Variants in SYT3 observed in about 807,000 individuals in gnomAD.
The protein encoded by SYT3 is synaptotagmin 3.
A neutral mutation model predicts 50.6 loss-of-function variants in SYT3; 25 were observed. The observed-to-expected ratio is 0.49, with a 90% CI of 0.36 to 0.69. The LOEUF (loss-of-function observed/expected upper bound fraction) is 0.69. Among genes scored for constraint, SYT3 ranks in the 30% least tolerant of loss-of-function variants. The pLI is 0.00. For synonymous variants in SYT3, 323 were observed against 353.9 expected, an observed-to-expected ratio of 0.91 and a Z score of 0.98; for missense variants, 589 against 793.6, an observed-to-expected ratio of 0.74 and a Z score of 3.10.
the SYT3 span, among the ~76,000 whole-genome samples, chr19:50,648,993 G>A: frequency 6.6e-6 from 1 of 151,662 alleles, no homozygotes; most frequent in Non-Finnish European, 1.5e-5. Flanking sequence ...AAGGAGGGAC[G>A]GGGGCCTGGG....
At chr19:50,629,642 A>AG (rs1984210490) in intron 5 of SYT3, 130 bp from the exon 6 acceptor site, 1 of 1,142,700 alleles carries the variant, frequency 8.8e-7, no homozygotes, top group Non-Finnish European at 1.2e-6. Flanking sequence ...CTCCTCCCTC[A>AG]GACCCGGGAG....
the SYT3 span, chr19:50,649,825 T>A: frequency 3.9e-6 from 2 of 509,636 alleles, no homozygotes; most frequent in South Asian, 3.1e-5. Context: ...TCTCCCACCC[T>A]GAGCTCAGCA....
chr19:50,656,694 G>A, the SYT3 span, among the ~76,000 whole-genome samples: 4 of 152,150 alleles, frequency 2.6e-5, no homozygotes, highest in Admixed American at 2.6e-4. Context: ...GCTCACGCCT[G>A]TAATCCCAGC....
chr19:50,631,634 C>T lies in SYT3; in HGVS notation c.674+652G>A, dbSNP rs527885128. On this transcript the variant is annotated intron_variant, in intron 4 of 10. Transcript: ENST00000600079. ...GAATGCCCAGGTCACAGCCCTGCCTCTTTGCCTTCCCAACTCTCCCTCAGC... is the reference window on the plus strand; with the variant it reads ...GAATGCCCAGGTCACAGCCCTGCCTTTTTGCCTTCCCAACTCTCCCTCAGC... Among the ~76,000 whole-genome samples, 23 of 152,212 alleles carry T rather than the reference C, an allele frequency of 1.5e-4. 1 individual carries two copies. Among genetic ancestry groups the T allele is most frequent in the African/African-American group, 5.1e-4 (21 of 41,522 alleles).
chr19:50,624,076 C>T (rs1161721096), intron 9 of SYT3, among the ~76,000 whole-genome samples: 1 of 151,902 alleles, frequency 6.6e-6, no homozygotes, highest in East Asian at 1.9e-4. Flanking sequence ...GATCCTCCTG[C>T]CTCAGCCTCC....
At chr19:50,650,928 T>G in the SYT3 span, among the ~76,000 whole-genome samples, 1 of 152,246 alleles carries the variant, frequency 6.6e-6, no homozygotes, top group Non-Finnish European at 1.5e-5. Flanking sequence ...TATATGTAGC[T>G]CCAGAAAAGT....
chr19:50,649,747 C>A, the SYT3 span: 2 of 642,702 alleles, frequency 3.1e-6, no homozygotes, highest in Non-Finnish European at 5.8e-6. Context: ...ACTACATTTC[C>A]CATGAGCCTC....
chr19:50,623,312 C>T (rs1983915105), intron 9 of SYT3, among the ~76,000 whole-genome samples: 1 of 151,996 alleles, frequency 6.6e-6, no homozygotes, highest in Admixed American at 6.6e-5. Flanking sequence ...AGTAGAGTCC[C>T]CGTCTTTTCC....
At chr19:50,643,861 C>G (rs1202279788), upstream of SYT3, among the ~76,000 whole-genome samples, 1 of 152,100 alleles carries the variant, frequency 6.6e-6, no homozygotes, top group African/African-American at 2.4e-5. Context: ...TAGGAAGGAA[C>G]ATCCATTGTG....
Position 50,622,049 on chromosome 19 carries a change from AG to A in SYT3, c.*435del, listed in dbSNP as rs11338701. The stretch of plus-strand genomic sequence containing the variant: ...AGCAGTGGGGGGACCGGCCAGACGC[AG>A]GGGTGTGGCGAACAGAAGGGGTGGA... On this transcript the variant is annotated 3_prime_UTR_variant, in exon 11 of 11. Transcript: ENST00000600079. The A allele has an allele frequency of 1, 49,815 of 49,818 alleles. 24,906 individuals carry two copies. Among genetic ancestry groups the A allele is most frequent in the Middle Eastern group, 1 (210 of 210 alleles). 3.1% of individuals were successfully genotyped at this position (49,818 alleles called of 1,614,324 possible).
Position 50,637,336 on chromosome 19 carries a change from C to A in SYT3, c.76G>T (p.Asp26Tyr). The A allele has an allele frequency of 1.9e-6, 3 of 1,613,256 alleles. No homozygotes were observed. The highest frequency in any genetic ancestry group is 2.5e-6 in the Non-Finnish European group (3 of 1,179,922). The change falls in exon 3 of 11, where the codon GAT (aspartate) becomes TAT (tyrosine). Residue 26 changes from aspartate (D) to tyrosine (Y), a missense_variant. This residue lies in a region of SYT3 where 316 missense variants were observed against 354.3 expected (regional missense o/e 0.89). Coordinates refer to ENST00000600079, the MANE Select transcript of SYT3 (RefSeq NM_001160329.2). The surrounding 1 kb of genome is among the most constrained non-coding windows in gnomAD (Gnocchi z 4.9). Reference sequence around the variant, plus strand: ...TGGCACCTGTCGTTGGTGTCAGCATCTCGGACCCGCGCACAGAGGTCCGAG... The same window carrying A: ...TGGCACCTGTCGTTGGTGTCAGCATATCGGACCCGCGCACAGAGGTCCGAG... ...LVSDLCARVR[D>Y]ADTNDRCQEF... is the part of the protein sequence containing the mutation.
Position 50,639,533 on chromosome 19 carries a change from G to A in SYT3, c.-154+257C>T, listed in dbSNP as rs2123025988. 6.6e-6 allele frequency among the ~76,000 whole-genome samples: 1 copy of A among 152,058 alleles called. No individual in the cohort carries two copies. Among genetic ancestry groups the A allele is most frequent in the East Asian group, 1.9e-4 (1 of 5,140 alleles). On this transcript the variant is annotated intron_variant, in intron 1 of 10. Coordinates refer to ENST00000600079, the MANE Select transcript of SYT3 (RefSeq NM_001160329.2). This position sits in a 1 kb window ranked among gnomAD's most constrained non-coding sequence, Gnocchi z 4.6. Reference sequence around the variant, plus strand: ...GCCACGGAGCCCTAAGTCCTTAGGGGCCACGGAATGAGGAAACGATCCCCC... The same window carrying A: ...GCCACGGAGCCCTAAGTCCTTAGGGACCACGGAATGAGGAAACGATCCCCC...
At chr19:50,642,717 T>C (rs1984700587), upstream of SYT3, among the ~76,000 whole-genome samples, 4 of 151,700 alleles carry the variant, frequency 2.6e-5, no homozygotes, top group Non-Finnish European at 1.5e-5. Flanking sequence ...GCCTGTAATC[T>C]CAGCTACTTG....
At chr19:50,657,670 T>C in the SYT3 span, among the ~76,000 whole-genome samples, 23 of 152,346 alleles carry the variant, frequency 1.5e-4, no homozygotes, top group Admixed American at 2.6e-4. Flanking sequence ...GGGAAAGTTT[T>C]TGGTAGATTC....
At chr19:50,633,180 G>A (rs983750206) in intron 3 of SYT3, among the ~76,000 whole-genome samples, 1 of 78,020 alleles carries the variant, frequency 1.3e-5, no homozygotes, top group Non-Finnish European at 2.5e-5. Context: ...ATGAGGTCTT[G>A]CTATGTTGCC....
In SYT3 at chr19:50,632,436, A is replaced by G. The variant is rs914048250; in HGVS notation, c.524T>C (p.Val175Ala). The G allele has an allele frequency of 6.2e-7, 1 of 1,613,352 alleles. No individual in the cohort carries two copies. Among genetic ancestry groups the G allele is most frequent in the Non-Finnish European group, 8.5e-7 (1 of 1,179,840 alleles). The change falls in exon 4 of 11, where the codon GTG becomes GCG. Residue 175 changes from valine (V) to alanine (A), a missense_variant. By Grantham distance (64) the Val-to-Ala change is moderately conservative (BLOSUM62 0). This residue lies in a region of SYT3 where 316 missense variants were observed against 354.3 expected (regional missense o/e 0.89). Coordinates refer to ENST00000600079, the MANE Select transcript of SYT3 (RefSeq NM_001160329.2). The surrounding 1 kb of genome is among the most constrained non-coding windows in gnomAD (Gnocchi z 4.7). The stretch of plus-strand genomic sequence containing the variant: ...TTGGCTCGGTTTGACCCCAGCGGCC[A>G]CTGCTGCTGCTGCAGCCTCTGGATA... ...DSYPEAAAAA[V>A]AAGVKPSQTS...
rs1419697108 is a variant in SYT3 at position 50,639,272 on chromosome 19, G to C, written c.-153-110C>G. On this transcript the variant is annotated intron_variant, in intron 1 of 10. Transcript: ENST00000600079. This position sits in a 1 kb window ranked among gnomAD's most constrained non-coding sequence, Gnocchi z 4.6. ...AGCCCGGCCACCCCCTCCCACCTCCGGGCCCCCAGCTCCCGTTGAGGGCTT... is the reference window on the plus strand; with the variant it reads ...AGCCCGGCCACCCCCTCCCACCTCCCGGCCCCCAGCTCCCGTTGAGGGCTT... 6.6e-6 allele frequency: 1 copy of C among 152,124 alleles called. No homozygotes were observed. The highest frequency in any genetic ancestry group is 1.5e-5 in the Non-Finnish European group (1 of 68,064). 9.4% of individuals were successfully genotyped at this position (152,124 alleles called of 1,614,324 possible).
At chr19:50,655,906 T>C in the SYT3 span, 1 of 762,170 alleles carries the variant, frequency 1.3e-6, no homozygotes, top group South Asian at 1.7e-5. Context: ...TGGGGTGGAG[T>C]TTGGAGCTAA....
chr19:50,624,594 C>A (rs554644431), intron 9 of SYT3, among the ~76,000 whole-genome samples: 1 of 151,150 alleles, frequency 6.6e-6, no homozygotes, highest in East Asian at 1.9e-4. Flanking sequence ...GCTCTGTCGC[C>A]CAGGCTGGAG....
Sources: allele counts gnomAD v4.1 joint callset (sites outside exome capture counted in the v4.1 genomes callset), GRCh38; gene constraint gnomAD v4.1.1; regional missense constraint gnomAD v4.1.1; non-coding constraint Gnocchi (gnomAD v3.1); transcripts MANE v1.5; gene names NCBI Gene and HGNC (gene_info 2026-07-23, HGNC 2026-07-21).